The following GEMIN5 variants were observed in gnomAD, a reference collection of about 807,000 sequenced individuals.
GEMIN5 encodes gem nuclear organelle associated protein 5, also known as gem-associated protein 5.
In GEMIN5, 124 loss-of-function variants were observed where a neutral mutation model predicts 176.9. The ratio of observed to expected loss-of-function variants is 0.70; its 90% confidence interval spans 0.61 to 0.81. The LOEUF is 0.81. GEMIN5 is among the 40% of genes least tolerant of loss of function. GEMIN5 has a pLI of 0.00. For missense variants in GEMIN5, 1,843 were observed against 1,814.6 expected (o/e 1.02, Z -0.28); for synonymous variants, 673 against 665.2 (o/e 1.01, Z -0.18).
chr5:154,905,497 GA>G (rs768967515), intron 16 of GEMIN5, 21 bp from the exon 17 acceptor site: 135 of 1,146,962 alleles, frequency 1.2e-4, no homozygotes, highest in South Asian at 2.2e-4. Context: ...GGGGAAAAAG[GA>G]AAAAAAAAGT....
At chr5:154,905,307 T>C (rs1763546810) in intron 17 of GEMIN5, 56 bp downstream of exon 17, 1 of 779,114 alleles carries the variant, frequency 1.3e-6, no homozygotes, top group Non-Finnish European at 2.2e-6. Context: ...GTGTAATATA[T>C]GTAATATTTT....
rs763099734 is a variant in GEMIN5, at chr5:154,925,925, G to T, written c.1230C>A (p.Leu410=). The change falls in exon 8 of 28, where the codon CTC becomes CTA. Residue 410 remains leucine (L), a synonymous_variant. Coordinates refer to ENST00000285873, the MANE Select transcript of GEMIN5 (RefSeq NM_015465.5). ...GDGMIRVWNT[L]SIKNNYDVKN... ...TCACATCATAGTTGTTCTTTATGGA[G>T]AGTGTATTCCATACACGGATCATGC... 1.1e-5 allele frequency: 17 copies of T among 1,612,722 alleles called. No homozygotes were observed. The highest frequency in any genetic ancestry group is 1.4e-5 in the Non-Finnish European group (16 of 1,178,902).
In GEMIN5 at chr5:154,911,833, A is replaced by G; in HGVS notation, c.2061T>C (p.Cys687=). 6.2e-7 allele frequency: 1 copy of G among 1,614,094 alleles called. No homozygotes were observed. The change falls in exon 15 of 28, where the codon TGT becomes TGC. Residue 687 remains cysteine (C), a synonymous_variant. Transcript: ENST00000285873. The stretch of plus-strand genomic sequence containing the variant: ...CTGGATCCAAAGGAGACCATGCCAC[A>G]CAAAGCAGTCGACCTCGATGTCCTC... The part of the protein sequence containing the change: ...NFRGHRGRLL[C]VAWSPLDPDC...
chr5:154,902,499 A>G (rs1489098767), intron 20 of GEMIN5, 40 bp downstream of exon 20: 2 of 1,604,776 alleles, frequency 1.2e-6, no homozygotes, highest in Admixed American at 1.7e-5. Context: ...TAGAGATGAT[A>G]GAGCTTTTGT....
intron 19 of GEMIN5, 104 bp downstream of exon 19, chr5:154,902,976 C>G: frequency 1.3e-6 from 1 of 797,900 alleles, no homozygotes; most frequent in East Asian, 2.5e-5. Flanking sequence ...ACACGTAAAA[C>G]TAACCATTAT....
In GEMIN5 at chr5:154,896,158, C is replaced by T; in HGVS notation, c.3531G>A (p.Gln1177=). The change falls in exon 24 of 28, where the codon CAG becomes CAA. Residue 1177 remains glutamine (Q), a synonymous_variant. Coordinates refer to ENST00000285873, the MANE Select transcript of GEMIN5 (RefSeq NM_015465.5). ...TGTTCTGCAGCTTCTGAAAGGCTTC[C>T]TGATACTGCTCAGGGGTGTCAAGGC... ...IFSLDTPEQY[Q]EAFQKLQNIK... 6.2e-7 allele frequency: 1 copy of T among 1,613,970 alleles called. No homozygotes were observed. Among genetic ancestry groups the T allele is most frequent in the East Asian group, 2.2e-5 (1 of 44,862 alleles).
chr5:154,892,747 G>GT, intron 24 of GEMIN5, 198 bp from the exon 25 acceptor site: 1 of 564,230 alleles, frequency 1.8e-6, no homozygotes, highest in South Asian at 2.3e-5. Context: ...GCACACACAC[G>GT]TCCCGGTGTT....
At chr5:154,892,581 A>AT (rs775581093) in intron 24 of GEMIN5, 32 bp from the exon 25 acceptor site, 3 of 1,607,358 alleles carry the variant, frequency 1.9e-6, no homozygotes, top group Non-Finnish European at 2.6e-6. Flanking sequence ...TGAGTTAAAC[A>AT]TCCTCCCACG....
At chr5:154,932,513 A>T (rs568164364) in intron 3 of GEMIN5, among the ~76,000 whole-genome samples, 18 of 152,348 alleles carry the variant, frequency 1.2e-4, no homozygotes, top group Non-Finnish European at 1.5e-5. Flanking sequence ...TGCCTGGTAC[A>T]AAACTCACAG....
At chr5:154,910,391 T>C (rs888554457) in intron 15 of GEMIN5, among the ~76,000 whole-genome samples, 20 of 152,190 alleles carry the variant, frequency 1.3e-4, no homozygotes, top group African/African-American at 4.8e-4. Flanking sequence ...GCTCAAGCCA[T>C]CCTCCTGCCT....
rs1292579148 is a variant in GEMIN5, at chr5:154,887,545, C to T, written c.*665G>A. On this transcript the variant is annotated 3_prime_UTR_variant, in exon 28 of 28. Coordinates refer to ENST00000285873, the MANE Select transcript of GEMIN5 (RefSeq NM_015465.5). ...TGCCATCAATCCATTTGTTATAAAA[C>T]TGAAGGGAAAACACACATTTGAATC... The T allele has an allele frequency of 1.3e-5, 2 of 152,152 alleles. No homozygotes were observed. Among genetic ancestry groups the T allele is most frequent in the Non-Finnish European group, 1.5e-5 (1 of 68,028 alleles). 9.4% of individuals were successfully genotyped at this position (152,152 alleles called of 1,614,324 possible).
rs760665925 is a variant in GEMIN5 at position 154,935,804 on chromosome 5, A to C, written c.509+37T>G. The C allele has an allele frequency of 1.5e-5, 22 of 1,470,716 alleles. No homozygotes were observed. In the Admixed American group the frequency reaches 3.6e-4, roughly 24 times the overall value. The allele number at this position is 1,470,716 out of a possible 1,614,324, so 91.1% of individuals were successfully genotyped here. ...GAAAATGCAAAACACGATCATAAAC[A>C]AACAAAAATCATCAATACAGATGGC... On this transcript the variant is annotated intron_variant, in intron 3 of 27. Coordinates refer to ENST00000285873, the MANE Select transcript of GEMIN5 (RefSeq NM_015465.5).
Position 154,932,154 on chromosome 5 carries a change from G to A in GEMIN5, c.606C>T (p.Ala202=). ...RGHDDEIHSI[A]WCPLPGEDCL... ...AATCTTCACCAGGCAGGGGACACCA[G>A]GCTATGGAGTGGATTTCATCATCAT... Residue 202 remains alanine (A), a synonymous_variant, in exon 4 of 28, where the codon GCC becomes GCT. Transcript: ENST00000285873. The A allele has an allele frequency of 6.2e-7, 1 of 1,613,206 alleles. No homozygotes were observed. The highest frequency in any genetic ancestry group is 8.5e-7 in the Non-Finnish European group (1 of 1,179,104).
chr5:154,907,892 A>G lies in GEMIN5; in HGVS notation c.2168-74T>C, dbSNP rs973875048. ...AAAGCACTCTAGGTGGTAAACTCCA[A>G]TATCTCATTCCTCTTTAATAGCATT... On this transcript the variant is annotated intron_variant, in intron 15 of 27. Coordinates refer to ENST00000285873, the MANE Select transcript of GEMIN5 (RefSeq NM_015465.5). 12 of 954,512 alleles carry G rather than the reference A, an allele frequency of 1.3e-5. No homozygotes were observed. In the Admixed American group the frequency reaches 2.0e-4, roughly 16 times the overall value. 59.1% of individuals were successfully genotyped at this position (954,512 alleles called of 1,614,324 possible).
At chr5:154,909,133 AT>A (rs70981958) in intron 15 of GEMIN5, among the ~76,000 whole-genome samples, 66 of 99,708 alleles carry the variant, frequency 6.6e-4, no homozygotes, top group African/African-American at 2.3e-3. Context: ...TAATTTTTGT[AT>A]TTTTTTTTTT....
intron 3 of GEMIN5, among the ~76,000 whole-genome samples, chr5:154,934,539 T>C (rs1764227895): frequency 6.6e-6 from 1 of 152,122 alleles, no homozygotes; most frequent in Admixed American, 6.6e-5. Context: ...CTTGAACTCC[T>C]GACCTCAGGT....
At chr5:154,933,975 C>A (rs1764214963) in intron 3 of GEMIN5, among the ~76,000 whole-genome samples, 1 of 152,146 alleles carries the variant, frequency 6.6e-6, no homozygotes, top group Admixed American at 6.5e-5. Flanking sequence ...TTCCATACAT[C>A]CCCCTACCCA....
chr5:154,916,161 T>G (rs1397291926), intron 13 of GEMIN5, among the ~76,000 whole-genome samples: 1 of 152,128 alleles, frequency 6.6e-6, no homozygotes, highest in Non-Finnish European at 1.5e-5. Context: ...GTGCTAGGAT[T>G]ACAGGTATGA....
In GEMIN5 at chr5:154,938,026, G is replaced by A. The variant is rs1194897448; in HGVS notation, c.108C>T (p.Val36=). The A allele has an allele frequency of 6.4e-7, 1 of 1,560,498 alleles. No homozygotes were observed. Among genetic ancestry groups the A allele is most frequent in the Admixed American group, 1.9e-5 (1 of 51,766 alleles). ...CGCCCGGGCCCACGCGGACAAGGAA[G>A]ACGGAGGTCCGCGCGGCGAAGCCAA... The part of the protein sequence containing the change: ...GLFGFAARTS[V]FLVRVGPGAG... The change falls in exon 1 of 28, where the codon GTC becomes GTT. Residue 36 remains valine (V), a synonymous_variant. Transcript: ENST00000285873.
Sources: allele counts gnomAD v4.1 joint callset (sites outside exome capture counted in the v4.1 genomes callset), GRCh38; gene constraint gnomAD v4.1.1; transcripts MANE v1.5; gene names NCBI Gene and HGNC (gene_info 2026-07-23, HGNC 2026-07-21).